POLR3B: variants seen among roughly 807,000 people sequenced by gnomAD.
POLR3B encodes the protein DNA-directed RNA polymerase III subunit RPC2.
A neutral mutation model predicts 147.4 loss-of-function variants in POLR3B; 96 were observed. That is an observed-to-expected ratio of 0.65 (90% confidence interval 0.55 to 0.77). The LOEUF (loss-of-function observed/expected upper bound fraction) is 0.77. Ranked by LOEUF, POLR3B falls within the 30% of genes least tolerant of loss-of-function variation. POLR3B has a pLI of 0.00. For missense variants in POLR3B, 1,036 were observed against 1,413.5 expected, an observed-to-expected ratio of 0.73 and a Z score of 4.28; for synonymous variants, 461 against 485.9, an observed-to-expected ratio of 0.95 and a Z score of 0.67.
intron 12 of POLR3B, among the ~76,000 whole-genome samples, chr12:106,426,345 G>A (rs1449175886): frequency 2.0e-5 from 3 of 151,772 alleles, no homozygotes; most frequent in Non-Finnish European, 4.4e-5. Flanking sequence ...TCTACCTCCT[G>A]GGTTCAAGCA....
intron 10 of POLR3B, among the ~76,000 whole-genome samples, chr12:106,394,182 G>GTA (rs750766678): frequency 1.1e-4 from 17 of 151,990 alleles, no homozygotes; most frequent in African/African-American, 3.6e-4. Context: ...AAATAGGTCA[G>GTA]TATATATATA....
At chr12:106,453,166 C>T (rs1463752950) in intron 19 of POLR3B, among the ~76,000 whole-genome samples, 2 of 151,258 alleles carry the variant, frequency 1.3e-5, no homozygotes, top group African/African-American at 2.4e-5. Flanking sequence ...CTGGGACTAC[C>T]ATGCCCCGTT....
At position 106,357,754 on chromosome 12, in the gene POLR3B, A is replaced by T; in HGVS notation, c.-126A>T. The T allele has an allele frequency of 2.1e-6, 2 of 955,698 alleles. No individual in the cohort carries two copies. The highest frequency in any genetic ancestry group is 3.3e-6 in the Non-Finnish European group (2 of 609,956). 59.2% of individuals were successfully genotyped at this position (955,698 alleles called of 1,614,324 possible). ...GGCGGAACCTTTCTACCGCGTCTCT[A>T]GCTAACACGCACGGCGGGGACAGTT... On this transcript the variant is annotated 5_prime_UTR_variant, in exon 1 of 28. Coordinates refer to ENST00000228347, the MANE Select transcript of POLR3B (RefSeq NM_018082.6).
intron 24 of POLR3B, 164 bp from the exon 25 acceptor site, chr12:106,496,588 T>C (rs888796350): frequency 1.5e-6 from 1 of 674,854 alleles, no homozygotes; most frequent in African/African-American, 1.8e-5. Flanking sequence ...ATAGGGGTAT[T>C]GAGAGGCGTA....
At chr12:106,506,559 A>G (rs2038691602) in intron 27 of POLR3B, among the ~76,000 whole-genome samples, 1 of 152,204 alleles carries the variant, frequency 6.6e-6, no homozygotes, top group Non-Finnish European at 1.5e-5. Context: ...TGCTAAATGT[A>G]TATCTTCTTT....
chr12:106,391,950 C>T (rs1330816281), intron 9 of POLR3B, among the ~76,000 whole-genome samples: 1 of 152,164 alleles, frequency 6.6e-6, no homozygotes. Context: ...CATAACTTTT[C>T]CCCTCACTTC....
At chr12:106,388,808 A>C (rs1235180560) in intron 9 of POLR3B, among the ~76,000 whole-genome samples, 1 of 152,104 alleles carries the variant, frequency 6.6e-6, no homozygotes, top group Non-Finnish European at 1.5e-5. Context: ...ATATATTTCA[A>C]CCTGTCACCA....
chr12:106,464,000 A>T (rs1450700785), intron 23 of POLR3B, among the ~76,000 whole-genome samples: 2 of 151,918 alleles, frequency 1.3e-5, no homozygotes, highest in African/African-American at 4.8e-5. Flanking sequence ...ATAGTGTCAG[A>T]TGTTAGCACT....
chr12:106,373,756 A>G (rs1348138375), intron 6 of POLR3B, among the ~76,000 whole-genome samples: 1 of 152,146 alleles, frequency 6.6e-6, no homozygotes, highest in Non-Finnish European at 1.5e-5. Flanking sequence ...TCCATCTCAA[A>G]AAAAAAAAAT....
At chr12:106,420,292 A>G (rs1205533200) in intron 12 of POLR3B, among the ~76,000 whole-genome samples, 3 of 152,086 alleles carry the variant, frequency 2.0e-5, no homozygotes, top group Non-Finnish European at 4.4e-5. Flanking sequence ...AAGTTTATAT[A>G]TATAGTTTGG....
At chr12:106,478,643 AAGT>A (rs1036532559) in intron 23 of POLR3B, among the ~76,000 whole-genome samples, 1 of 152,168 alleles carries the variant, frequency 6.6e-6, no homozygotes, top group African/African-American at 2.4e-5. Flanking sequence ...AACAAACAAA[AAGT>A]AGGTAGTGTA....
At chr12:106,498,043 T>C (rs2038524185) in intron 25 of POLR3B, among the ~76,000 whole-genome samples, 1 of 152,104 alleles carries the variant, frequency 6.6e-6, no homozygotes, top group South Asian at 2.1e-4. Context: ...TCCATAAACA[T>C]TTATTGAAAA....
intron 1 of POLR3B, among the ~76,000 whole-genome samples, chr12:106,362,172 T>C (rs2036479941): frequency 6.6e-6 from 1 of 152,096 alleles, no homozygotes; most frequent in Non-Finnish European, 1.5e-5. Context: ...AGGTTGAATA[T>C]CAAGGACTGA....
intron 16 of POLR3B, among the ~76,000 whole-genome samples, chr12:106,435,596 A>G (rs7302051): frequency 0.016 from 2,490 of 152,278 alleles, 67 homozygotes; most frequent in African/African-American, 0.057. Flanking sequence ...GACTCTGAGT[A>G]TACTACTTCA....
chr12:106,494,233 A>C (rs1021812504), intron 23 of POLR3B, among the ~76,000 whole-genome samples: 2 of 152,172 alleles, frequency 1.3e-5, no homozygotes, highest in Non-Finnish European at 2.9e-5. Context: ...AATGTAAGTC[A>C]TCTCTCTCCT....
intron 9 of POLR3B, among the ~76,000 whole-genome samples, chr12:106,387,221 A>G (rs754949122): frequency 1.3e-5 from 2 of 152,184 alleles, no homozygotes; most frequent in Admixed American, 6.5e-5. Flanking sequence ...TTTTTCACTT[A>G]ACAGTGCATT....
At chr12:106,477,891 CTTTTTTTTTTTTTTT>C (rs34915594) in intron 23 of POLR3B, among the ~76,000 whole-genome samples, 2 of 70,478 alleles carry the variant, frequency 2.8e-5, no homozygotes, top group African/African-American at 1.1e-4. Context: ...GGCTCCTCCC[CTTTTTTTTTTTTTTT>C]TTTTTTTTTT....
intron 22 of POLR3B, among the ~76,000 whole-genome samples, chr12:106,459,869 T>C: frequency 6.6e-6 from 1 of 152,336 alleles, no homozygotes; most frequent in East Asian, 1.9e-4. Context: ...TTCATTTGTA[T>C]AATACAATGA....
chr12:106,478,901 G>A (rs1169213925), intron 23 of POLR3B, among the ~76,000 whole-genome samples: 1 of 152,118 alleles, frequency 6.6e-6, no homozygotes, highest in African/African-American at 2.4e-5. Context: ...TGGTGGCCTT[G>A]CCACATGGTC....
Sources: allele counts gnomAD v4.1 joint callset (sites outside exome capture counted in the v4.1 genomes callset), GRCh38; gene constraint gnomAD v4.1.1; transcripts MANE v1.5; gene names NCBI Gene and HGNC (gene_info 2026-07-23, HGNC 2026-07-21).